The following TLR2 variants were observed in gnomAD, a reference collection of about 807,000 sequenced individuals.
The protein encoded by TLR2 is toll like receptor 2.
TLR2 carries 7 observed loss-of-function variants against 9.1 expected under a neutral mutation model. The ratio of observed to expected loss-of-function variants is 0.77; its 90% confidence interval spans 0.44 to 1.44. The LOEUF is 1.44. Ranked by LOEUF, TLR2 falls within the 40% of genes most tolerant of loss-of-function variation. TLR2 has a pLI of 0.01. For missense variants in TLR2, 812 were observed against 904.6 expected (o/e 0.90, Z 1.31); for synonymous variants, 317 against 344.6 (o/e 0.92, Z 0.89).
intron 2 of TLR2, among the ~76,000 whole-genome samples, chr4:153,694,223 C>T (rs1560741300): frequency 1.3e-5 from 2 of 152,248 alleles, no homozygotes; most frequent in Non-Finnish European, 1.5e-5. Context: ...ACAGATCGCT[C>T]ATGCTATTGT....
chr4:153,706,757 C>T (rs1417510176), downstream of TLR2, among the ~76,000 whole-genome samples: 1 of 152,226 alleles, frequency 6.6e-6, no homozygotes, highest in African/African-American at 2.4e-5. Context: ...GCACTAGAGT[C>T]AGAAAGACCT....
At chr4:153,698,690 C>T (rs2127047478) in intron 2 of TLR2, among the ~76,000 whole-genome samples, 1 of 152,292 alleles carries the variant, frequency 6.6e-6, no homozygotes, top group African/African-American at 2.4e-5. Flanking sequence ...TCAGTTGGTA[C>T]ATTTCCACCA....
chr4:153,691,073 C>T (rs551556003), intron 2 of TLR2, among the ~76,000 whole-genome samples: 10 of 152,280 alleles, frequency 6.6e-5, no homozygotes, highest in African/African-American at 2.4e-4. Flanking sequence ...AGCTAAAGCT[C>T]CACTTTTTGA....
Position 153,703,763 on chromosome 4 carries a change from G to A in TLR2, c.856G>A (p.Asp286Asn). ...ISGLLELEFD[D>N]CTLNGVGNFR... ...TGGATTGTTAGAATTAGAGTTTGAT[G>A]ACTGTACCCTTAATGGAGTTGGTAA... The change falls in exon 3 of 3, where the codon GAC becomes AAC. Residue 286 changes from aspartate to asparagine, a missense_variant. Coordinates refer to ENST00000642700, the MANE Select transcript of TLR2 (RefSeq NM_001318789.2). 3 of 1,613,942 alleles carry A rather than the reference G, an allele frequency of 1.9e-6. No homozygotes were observed. Among genetic ancestry groups the A allele is most frequent in the Non-Finnish European group, 2.5e-6 (3 of 1,180,004 alleles).
At chr4:153,698,998 C>A (rs1301925757) in intron 2 of TLR2, among the ~76,000 whole-genome samples, 1 of 152,016 alleles carries the variant, frequency 6.6e-6, no homozygotes, top group Non-Finnish European at 1.5e-5. Flanking sequence ...TTAAATTATT[C>A]CAGAAACTGA....
chr4:153,693,662 A>G lies in TLR2; in HGVS notation c.-17+5615A>G, dbSNP rs181674763. On this transcript the variant is annotated intron_variant, in intron 2 of 2. Transcript: ENST00000642700. ...CCACTTTAGCTTTAGCTGGCAAACAAACCTGCTCTGTCACCTCTTCTGTTA... is the reference window on the plus strand; with the variant it reads ...CCACTTTAGCTTTAGCTGGCAAACAGACCTGCTCTGTCACCTCTTCTGTTA... Among the ~76,000 whole-genome samples the G allele has an allele frequency of 5.9e-5, 9 of 152,252 alleles. No individual in the cohort carries two copies. In the East Asian group the frequency reaches 1.2e-3, roughly 20 times the overall value.
rs1392638565 is a variant in TLR2, at chr4:153,698,979, G to A, written c.-16-3913G>A. Among the ~76,000 whole-genome samples, 14 of 152,116 alleles carry A rather than the reference G, an allele frequency of 9.2e-5. 1 individual carries two copies. Among genetic ancestry groups the A allele is most frequent in the Admixed American group, 8.5e-4 (13 of 15,262 alleles). On this transcript the variant is annotated intron_variant, in intron 2 of 2. Coordinates refer to ENST00000642700, the MANE Select transcript of TLR2 (RefSeq NM_001318789.2). ...ACAGTAGACAAAACATATAGGAGAG[G>A]CTTTACAGTTAAATTATTCCAGAAA... is the stretch of plus-strand genomic sequence containing the variant.
At position 153,703,831 on chromosome 4, in the gene TLR2, A is replaced by G. The variant is rs772036791; in HGVS notation, c.924A>G (p.Lys308=). 8.7e-6 allele frequency: 14 copies of G among 1,614,042 alleles called. No homozygotes were observed. In the South Asian group the frequency reaches 1.5e-4, roughly 18 times the overall value. The change falls in exon 3 of 3, where the codon AAA becomes AAG. Residue 308 remains lysine (K), a synonymous_variant. Coordinates refer to ENST00000642700, the MANE Select transcript of TLR2 (RefSeq NM_001318789.2). ...ATGACAGAGTTATAGATCCAGGTAA[A>G]GTGGAAACGTTAACAATCCGGAGGC... The part of the protein sequence containing the change: ...SDNDRVIDPG[K]VETLTIRRLH...
downstream of TLR2, among the ~76,000 whole-genome samples, chr4:153,706,695 C>T (rs1453509248): frequency 1.3e-5 from 2 of 152,202 alleles, no homozygotes; most frequent in Non-Finnish European, 2.9e-5. Flanking sequence ...GGAAGTGAGC[C>T]TTTGACCCCT....
chr4:153,697,209 A>G lies in TLR2; in HGVS notation c.-16-5683A>G, dbSNP rs201866302. On this transcript the variant is annotated intron_variant, in intron 2 of 2. Transcript: ENST00000642700. ...TTTTTTTTAAAAAAATTGAGCATGA[A>G]TATCAAAAACATACTGACACAGAAC... Among the ~76,000 whole-genome samples the G allele has an allele frequency of 3.3e-5, 5 of 152,232 alleles. No individual in the cohort carries two copies. In the East Asian group the frequency reaches 9.7e-4, roughly 29 times the overall value.
At chr4:153,698,856 G>T (rs1053187696) in intron 2 of TLR2, among the ~76,000 whole-genome samples, 1 of 152,154 alleles carries the variant, frequency 6.6e-6, no homozygotes, top group Non-Finnish European at 1.5e-5. Flanking sequence ...AGATTTCACT[G>T]ATATTCCAAG....
rs377022229 is a variant in TLR2 at position 153,703,851 on chromosome 4, G to A, written c.944G>A (p.Arg315Gln). ...DPGKVETLTI[R>Q]RLHIPRFYLF... is the part of the protein sequence containing the mutation. ...GGTAAAGTGGAAACGTTAACAATCC[G>A]GAGGCTGCATATTCCAAGGTTTTAC... Residue 315 changes from arginine to glutamine, a missense_variant, in exon 3 of 3, where the codon CGG (arginine) becomes CAG (glutamine). Arg to Gln is a conservative substitution (Grantham distance 43). Transcript: ENST00000642700. 46 of 1,613,996 alleles carry A rather than the reference G, an allele frequency of 2.9e-5. No homozygotes were observed. The highest frequency in any genetic ancestry group is 1.7e-4 in the Middle Eastern group (1 of 6,060).
downstream of TLR2, among the ~76,000 whole-genome samples, chr4:153,709,083 T>C (rs1737424278): frequency 6.6e-6 from 1 of 152,156 alleles, no homozygotes; most frequent in Non-Finnish European, 1.5e-5. Context: ...TCATGCTCCT[T>C]AATTTTCTCA....
chr4:153,694,749 A>C (rs559314509), intron 2 of TLR2, among the ~76,000 whole-genome samples: 5 of 152,214 alleles, frequency 3.3e-5, no homozygotes, highest in Non-Finnish European at 7.3e-5. Flanking sequence ...CTGTTTTGCT[A>C]TCAAAGAATA....
downstream of TLR2, among the ~76,000 whole-genome samples, chr4:153,709,717 C>T (rs990428579): frequency 1.6e-4 from 24 of 152,220 alleles, no homozygotes; most frequent in African/African-American, 5.5e-4. Context: ...TATGTGTGCA[C>T]GCGCACGCAG....
Position 153,706,251 on chromosome 4 carries a change from T to C in TLR2, c.*989T>C, listed in dbSNP as rs1737326735. ...AAATAAATACTCAGTTTAGGAGAAT[T>C]TGAAAGACACTTCCCACATCCGGAC... is the stretch of plus-strand genomic sequence containing the variant. On this transcript the variant is annotated 3_prime_UTR_variant, in exon 3 of 3. Coordinates refer to ENST00000642700, the MANE Select transcript of TLR2 (RefSeq NM_001318789.2). Among the ~76,000 whole-genome samples the C allele has an allele frequency of 6.6e-6, 1 of 152,208 alleles. No homozygotes were observed. The highest frequency in any genetic ancestry group is 6.5e-5 in the Admixed American group (1 of 15,270).
At position 153,705,320 on chromosome 4, in the gene TLR2, G is replaced by GT. The variant is rs1222672119; in HGVS notation, c.*60dup. On this transcript the variant is annotated 3_prime_UTR_variant, in exon 3 of 3. Coordinates refer to ENST00000642700, the MANE Select transcript of TLR2 (RefSeq NM_001318789.2). ...TGGGATCTTTATGTCACTAGTTATA[G>GT]TTAAGTTCATTCAGACATAATTATA... 9.5e-6 allele frequency: 14 copies of GT among 1,472,824 alleles called. No homozygotes were observed. The highest frequency in any genetic ancestry group is 1.3e-5 in the Non-Finnish European group (14 of 1,103,050). 91.2% of individuals were successfully genotyped at this position (1,472,824 alleles called of 1,614,324 possible).
chr4:153,703,976 CA>C lies in TLR2; in HGVS notation c.1071del (p.Gln357HisfsTer3). 2 of 1,611,698 alleles carry C rather than the reference CA, an allele frequency of 1.2e-6. No individual in the cohort carries two copies. Among genetic ancestry groups the C allele is most frequent in the Non-Finnish European group, 1.7e-6 (2 of 1,179,438 alleles). ...TTTTCTGGTTCCTTGTTTACTTTCA[CA>C]ACATTTAAAATCATTAGAATACTTG... ...KVFLVPCLLSQHLKSLEYLDL... is the reference protein window; with the variant it reads ...KVFLVPCLLSXHLKSLEYLDL... On this transcript the variant is annotated frameshift_variant, in exon 3 of 3. Coordinates refer to ENST00000642700, the MANE Select transcript of TLR2 (RefSeq NM_001318789.2). LOFTEE classifies it low-confidence loss of function (END_TRUNC).
chr4:153,710,598 T>C (rs555556910), downstream of TLR2: 3 of 1,060,836 alleles, frequency 2.8e-6, no homozygotes, highest in Non-Finnish European at 4.1e-6. Flanking sequence ...ATTTCCTTTC[T>C]TGTTAATTCT....
Sources: gnomAD v4.1 joint callset for allele counts (sites outside exome capture counted in the v4.1 genomes callset) on GRCh38, gnomAD v4.1.1 for gene constraint, MANE v1.5 for transcripts, NCBI Gene and HGNC (gene_info 2026-07-23, HGNC 2026-07-21) for gene names.